LINGO2: variants seen among roughly 807,000 people sequenced by gnomAD.
LINGO2 encodes leucine-rich repeat and immunoglobulin-like domain-containing nogo receptor-interacting protein 2.
Under a neutral mutation model 30.6 loss-of-function variants are expected in LINGO2, and 14 were observed. That is an observed-to-expected ratio of 0.46 (90% confidence interval 0.30 to 0.72). The LOEUF is 0.72. LINGO2 is among the 30% of genes least tolerant of loss of function. The pLI is 0.07. For missense variants in LINGO2, 729 were observed against 751.7 expected, an observed-to-expected ratio of 0.97 and a Z score of 0.35; for synonymous variants, 317 against 288.5, an observed-to-expected ratio of 1.10 and a Z score of -1.00.
chr9:28,121,035 G>A (rs964734216), intron 4 of LINGO2, among the ~76,000 whole-genome samples: 1 of 152,104 alleles, frequency 6.6e-6, no homozygotes, highest in Non-Finnish European at 1.5e-5. Context: ...AATTTTGGGG[G>A]CTATGTTTCC....
chr9:27,954,290 TTCTG>T (rs1428843550), intron 5 of LINGO2, among the ~76,000 whole-genome samples: 18 of 152,188 alleles, frequency 1.2e-4, no homozygotes, highest in Admixed American at 1.1e-3. Context: ...AACTGATTCC[TTCTG>T]TCTAACTGTA....
At chr9:28,539,501 T>TA (rs914544168) in intron 1 of LINGO2, among the ~76,000 whole-genome samples, 2,775 of 143,954 alleles carry the variant, frequency 0.019, 78 homozygotes, top group African/African-American at 0.061. Context: ...TTTAGCAAAA[T>TA]AAAAAAAAAA....
intron 4 of LINGO2, among the ~76,000 whole-genome samples, chr9:28,050,703 C>A (rs1824632723): frequency 6.6e-6 from 1 of 150,678 alleles, no homozygotes; most frequent in Non-Finnish European, 1.5e-5. Flanking sequence ...GTAGAAGAGC[C>A]CAGGCATTCC....
the LINGO2 span, among the ~76,000 whole-genome samples, chr9:28,792,597 T>A: frequency 1.3e-5 from 2 of 152,140 alleles, no homozygotes; most frequent in African/African-American, 4.8e-5. Flanking sequence ...CTGTATTTAT[T>A]GGATTATTCA....
chr9:29,038,326 C>T, the LINGO2 span, among the ~76,000 whole-genome samples: 19 of 151,960 alleles, frequency 1.3e-4, no homozygotes, highest in African/African-American at 1.9e-4. Context: ...TAGTTTAATA[C>T]GCATTTCACT....
intron 1 of LINGO2, among the ~76,000 whole-genome samples, chr9:28,542,155 T>C (rs1821727210): frequency 6.6e-6 from 1 of 152,140 alleles, no homozygotes; most frequent in Non-Finnish European, 1.5e-5. Flanking sequence ...CAGTGGATAT[T>C]ACCTTCCAAA....
At chr9:28,712,937 C>T in the LINGO2 span, among the ~76,000 whole-genome samples, 1 of 152,050 alleles carries the variant, frequency 6.6e-6, no homozygotes, top group Non-Finnish European at 1.5e-5. Context: ...CTGATCTCCG[C>T]TCACTGCAAA....
chr9:28,820,267 TA>T, the LINGO2 span, among the ~76,000 whole-genome samples: 4 of 145,534 alleles, frequency 2.7e-5, no homozygotes, highest in Non-Finnish European at 6.0e-5. Context: ...AAAATAGGCC[TA>T]GGAGCAAGAC....
intron 4 of LINGO2, among the ~76,000 whole-genome samples, chr9:28,159,763 A>G (rs1441921625): frequency 2.6e-5 from 4 of 152,206 alleles, no homozygotes; most frequent in African/African-American, 9.6e-5. Flanking sequence ...TTTCTGTTTT[A>G]CCAGATTGCT....
At chr9:28,389,832 A>G (rs1005471196) in intron 2 of LINGO2, among the ~76,000 whole-genome samples, 2 of 152,292 alleles carry the variant, frequency 1.3e-5, no homozygotes, top group South Asian at 2.1e-4. Context: ...TGAATTACCT[A>G]TGGAGGACAC....
At chr9:28,899,749 G>A in the LINGO2 span, among the ~76,000 whole-genome samples, 1 of 152,172 alleles carries the variant, frequency 6.6e-6, no homozygotes, top group African/African-American at 2.4e-5. Context: ...TGCCAGGCTA[G>A]CATTCCTGGC....
Position 28,632,407 on chromosome 9 carries a change from A to G in LINGO2, c.-365+37793T>C, listed in dbSNP as rs549541389. Among the ~76,000 whole-genome samples the G allele has an allele frequency of 1.2e-3, 179 of 151,946 alleles. 1 individual carries two copies. Among genetic ancestry groups the G allele is most frequent in the Non-Finnish European group, 2.1e-3 (144 of 67,952 alleles). Reference sequence around the variant, plus strand: ...CAAGGTTATACCTACCCAGTCTCACACTATCCAGATGAGAGAAAGAACAAG... The same window carrying G: ...CAAGGTTATACCTACCCAGTCTCACGCTATCCAGATGAGAGAAAGAACAAG... On this transcript the variant is annotated intron_variant, in intron 1 of 5. Transcript: ENST00000379992.
At chr9:28,691,498 A>G in the LINGO2 span, among the ~76,000 whole-genome samples, 1 of 152,050 alleles carries the variant, frequency 6.6e-6, no homozygotes, top group Non-Finnish European at 1.5e-5. Context: ...CTTATCTTCC[A>G]TGTGCAAGCA....
At chr9:28,403,733 T>C (rs1259661868) in intron 2 of LINGO2, among the ~76,000 whole-genome samples, 3 of 151,856 alleles carry the variant, frequency 2.0e-5, no homozygotes, top group Non-Finnish European at 4.4e-5. Flanking sequence ...TAATCTAGTT[T>C]GGCAAGAAGC....
intron 1 of LINGO2, among the ~76,000 whole-genome samples, chr9:28,669,936 T>C (rs370918921): frequency 3.3e-5 from 5 of 152,058 alleles, no homozygotes; most frequent in African/African-American, 9.6e-5. Flanking sequence ...ATACAGACTG[T>C]CAGAAACATA....
At chr9:28,489,647 C>A (rs1278105777) in intron 1 of LINGO2, among the ~76,000 whole-genome samples, 5 of 151,758 alleles carry the variant, frequency 3.3e-5, no homozygotes, top group Admixed American at 3.3e-4. Flanking sequence ...CACCTTAATC[C>A]CAGCACTTTG....
the LINGO2 span, among the ~76,000 whole-genome samples, chr9:28,842,016 A>G: frequency 1.3e-5 from 2 of 151,922 alleles, no homozygotes; most frequent in East Asian, 3.9e-4. Flanking sequence ...CCTACTTCTC[A>G]TGATATTCTA....
At chr9:28,173,270 C>T (rs573425299) in intron 4 of LINGO2, among the ~76,000 whole-genome samples, 1 of 152,158 alleles carries the variant, frequency 6.6e-6, no homozygotes, top group Admixed American at 6.5e-5. Flanking sequence ...TCCTCATATT[C>T]TTCATCCTCT....
chr9:28,308,874 A>G (rs1478080107), intron 3 of LINGO2, among the ~76,000 whole-genome samples: 1 of 152,204 alleles, frequency 6.6e-6, no homozygotes, highest in African/African-American at 2.4e-5. Context: ...AATCAAAACC[A>G]CAGTGAGATA....
Sources: allele counts gnomAD v4.1 joint callset (sites outside exome capture counted in the v4.1 genomes callset), GRCh38; gene constraint gnomAD v4.1.1; transcripts MANE v1.5; gene names NCBI Gene and HGNC (gene_info 2026-07-23, HGNC 2026-07-21).